The following TNS3 variants were observed in gnomAD, a reference collection of about 807,000 sequenced individuals.
The protein encoded by TNS3 is tensin-3.
TNS3 carries 45 observed loss-of-function variants against 140.9 expected under a neutral mutation model. The ratio of observed to expected loss-of-function variants is 0.32; its 90% CI spans 0.25 to 0.41. The LOEUF (loss-of-function observed/expected upper bound fraction) is 0.41, where lower values mean the gene tolerates loss of function less well. Among genes scored for constraint, TNS3 ranks in the 10% least tolerant of loss-of-function variants. The probability of loss-of-function intolerance (pLI) is 1.00; values close to 1 mark genes in which losing one functional copy is unlikely to be tolerated. For missense variants in TNS3, 1,716 were observed against 1,906.7 expected (o/e 0.90, Z 1.86); for synonymous variants, 815 against 788.4 (o/e 1.03, Z -0.56).
chr7:47,445,036 G>T (rs1218081278), intron 4 of TNS3, among the ~76,000 whole-genome samples: 1 of 152,160 alleles, frequency 6.6e-6, no homozygotes. Context: ...GGGAAGAGGG[G>T]CAGGAAGGAG....
intron 4 of TNS3, among the ~76,000 whole-genome samples, chr7:47,474,728 A>G (rs1376896754): frequency 6.7e-6 from 1 of 149,908 alleles, no homozygotes; most frequent in African/African-American, 2.5e-5. Flanking sequence ...ACATGTACAC[A>G]CACAACACAC....
chr7:47,426,949 A>G (rs528003819), intron 9 of TNS3, among the ~76,000 whole-genome samples: 14 of 152,060 alleles, frequency 9.2e-5, no homozygotes, highest in African/African-American at 3.1e-4. Flanking sequence ...ACATGGTGAA[A>G]CCCTGTCCCT....
chr7:47,368,188 A>C (rs973272973), intron 17 of TNS3, among the ~76,000 whole-genome samples, 177 bp downstream of exon 17: 6 of 152,176 alleles, frequency 3.9e-5, no homozygotes, highest in African/African-American at 1.4e-4. Flanking sequence ...AAGGGACCAC[A>C]CCAGCATGAC....
chr7:47,299,433 G>A (rs537724628), intron 23 of TNS3, among the ~76,000 whole-genome samples: 11 of 152,152 alleles, frequency 7.2e-5, no homozygotes, highest in East Asian at 3.9e-4. Context: ...GAGTCACTGC[G>A]CCGGGCCTAC....
At chr7:47,363,955 G>A (rs1218449477) in intron 17 of TNS3, among the ~76,000 whole-genome samples, 5 of 152,146 alleles carry the variant, frequency 3.3e-5, no homozygotes, top group Non-Finnish European at 7.3e-5. Context: ...GGCTGGCTGA[G>A]GAGACGGATA....
rs761066878 is a variant in TNS3 at position 47,277,679 on chromosome 7, A to G, written c.*397T>C. 9 of 289,642 alleles carry G rather than the reference A, an allele frequency of 3.1e-5. No homozygotes were observed. Among genetic ancestry groups the G allele is most frequent in the Non-Finnish European group, 4.7e-5 (7 of 149,780 alleles). The allele number at this position is 289,642 out of a possible 1,614,324, so 17.9% of individuals were successfully genotyped here. ...CCCATGCGGACGGGCGAAGCATGGC[A>G]GTCACTCGGCACCTCTGCCTCAAGG... On this transcript the variant is annotated 3_prime_UTR_variant, in exon 31 of 31. Transcript: ENST00000311160.
At chr7:47,569,978 C>A (rs4724593) in intron 1 of TNS3, among the ~76,000 whole-genome samples, 144,146 of 152,110 alleles carry the variant, frequency 0.95, 68,786 homozygotes, top group East Asian at 1. Flanking sequence ...GTGAAACCCC[C>A]CCTCTACTAA....
intron 4 of TNS3, among the ~76,000 whole-genome samples, chr7:47,449,048 C>A (rs994644638): frequency 2.0e-5 from 3 of 152,186 alleles, no homozygotes; most frequent in African/African-American, 7.2e-5. Context: ...AACAAGCCAG[C>A]CTTGCTCACT....
At chr7:47,523,389 G>C (rs334519) in intron 2 of TNS3, among the ~76,000 whole-genome samples, 92,087 of 152,094 alleles carry the variant, frequency 0.61, 29,098 homozygotes, top group East Asian at 0.7. Context: ...AAAAAACTAT[G>C]CCACAGAAAG....
At chr7:47,542,468 C>T (rs1047007975) in intron 1 of TNS3, among the ~76,000 whole-genome samples, 1 of 152,158 alleles carries the variant, frequency 6.6e-6, no homozygotes, top group Non-Finnish European at 1.5e-5. Context: ...TTCCTAGCCT[C>T]AGTGCTCTGA....
At position 47,369,077 on chromosome 7, in the gene TNS3, G is replaced by A. The variant is rs371808253; in HGVS notation, c.1569C>T (p.Asp523=). The change falls in exon 17 of 31, where the codon GAC becomes GAT. Residue 523 remains aspartate (D), a synonymous_variant. Coordinates refer to ENST00000311160, the MANE Select transcript of TNS3 (RefSeq NM_022748.12). ...HKSSQNSLLS[D]GFGSNVGEDP... is the part of the protein sequence containing the mutation. ...CTTCACCAACGTTGCTGCCAAAACCGTCAGATAGGAGTGAGTTCTGGCTGC... is the reference window on the plus strand; with the variant it reads ...CTTCACCAACGTTGCTGCCAAAACCATCAGATAGGAGTGAGTTCTGGCTGC... The A allele has an allele frequency of 2.7e-5, 43 of 1,614,002 alleles. No homozygotes were observed. Among genetic ancestry groups the A allele is most frequent in the Admixed American group, 1.3e-4 (8 of 60,012 alleles).
chr7:47,580,637 C>G (rs1037146302), intron 1 of TNS3, among the ~76,000 whole-genome samples: 8 of 151,122 alleles, frequency 5.3e-5, no homozygotes, highest in African/African-American at 1.9e-4. Flanking sequence ...AAGGCCTCAG[C>G]ACAGAAAAGC....
chr7:47,453,922 C>A (rs140610616), intron 4 of TNS3, among the ~76,000 whole-genome samples: 215 of 152,396 alleles, frequency 1.4e-3, no homozygotes, highest in African/African-American at 4.5e-3. Context: ...TCTCACTGAT[C>A]TCATGACTAC....
At chr7:47,557,230 G>C (rs1167644780) in intron 1 of TNS3, 1 of 430,044 alleles carries the variant, frequency 2.3e-6, no homozygotes, top group Admixed American at 2.4e-5. Flanking sequence ...ACGTAAGGGA[G>C]AGGCTGACTT....
intron 2 of TNS3, among the ~76,000 whole-genome samples, chr7:47,517,915 T>C (rs967945118): frequency 6.6e-6 from 1 of 152,176 alleles, no homozygotes; most frequent in African/African-American, 2.4e-5. Flanking sequence ...TCACACAGCC[T>C]GAGGGAGGCC....
At chr7:47,414,730 T>C (rs918707520) in intron 11 of TNS3, among the ~76,000 whole-genome samples, 1 of 152,164 alleles carries the variant, frequency 6.6e-6, no homozygotes, top group Non-Finnish European at 1.5e-5. Flanking sequence ...CTGGGTCACA[T>C]TCATGCCTCT....
chr7:47,334,761 AC>A (rs1336585018), intron 20 of TNS3, among the ~76,000 whole-genome samples: 1 of 151,972 alleles, frequency 6.6e-6, no homozygotes, highest in Non-Finnish European at 1.5e-5. Context: ...GGCATGCGCC[AC>A]CATGCCCAGC....
chr7:47,577,992 AGAG>A (rs1453593938), intron 1 of TNS3, among the ~76,000 whole-genome samples: 3 of 151,742 alleles, frequency 2.0e-5, no homozygotes, highest in Admixed American at 6.6e-5. Flanking sequence ...AGGAGACAAA[AGAG>A]TAGTAGACTA....
chr7:47,490,549 G>A (rs1195656167), intron 3 of TNS3, among the ~76,000 whole-genome samples: 2 of 152,252 alleles, frequency 1.3e-5, no homozygotes, highest in Non-Finnish European at 2.9e-5. Context: ...GGTGGAATAT[G>A]GCAGAACTCC....
Sources: allele counts gnomAD v4.1 joint callset (sites outside exome capture counted in the v4.1 genomes callset), GRCh38; gene constraint gnomAD v4.1.1; transcripts MANE v1.5; gene names NCBI Gene and HGNC (gene_info 2026-07-23, HGNC 2026-07-21).